GRID2: variants seen among roughly 807,000 people sequenced by gnomAD.
The protein encoded by GRID2 is glutamate ionotropic receptor delta type subunit 2.
In GRID2, 33 loss-of-function variants were observed where a neutral mutation model predicts 114.8. The ratio of observed to expected loss-of-function variants is 0.29; its 90% confidence interval spans 0.22 to 0.38. The LOEUF (loss-of-function observed/expected upper bound fraction) is 0.38, where lower values mean the gene tolerates loss of function less well. Ranked by LOEUF, GRID2 falls within the 10% of genes least tolerant of loss-of-function variation. GRID2 has a pLI of 1.00. For missense variants in GRID2, 1,184 were observed against 1,257.7 expected (o/e 0.94, Z 0.89); for synonymous variants, 505 against 449.9 (o/e 1.12, Z -1.55).
chr4:93,233,235 G>T (rs1468526037), intron 7 of GRID2, among the ~76,000 whole-genome samples: 1 of 151,982 alleles, frequency 6.6e-6, no homozygotes, highest in Non-Finnish European at 1.5e-5. Context: ...TTAGCTAAAA[G>T]GGGGAAAGAC....
chr4:92,961,147 C>G (rs1752777641), intron 2 of GRID2, among the ~76,000 whole-genome samples: 1 of 151,806 alleles, frequency 6.6e-6, no homozygotes, highest in Non-Finnish European at 1.5e-5. Context: ...CGTAAGCATA[C>G]ACATATATAT....
At chr4:93,532,180 T>C (rs375090172) in intron 13 of GRID2, among the ~76,000 whole-genome samples, 1 of 152,242 alleles carries the variant, frequency 6.6e-6, no homozygotes, top group East Asian at 1.9e-4. Flanking sequence ...TGTAAAAGAA[T>C]GGGATCAATA....
At chr4:92,951,759 G>C (rs1222985720) in intron 2 of GRID2, among the ~76,000 whole-genome samples, 1 of 152,144 alleles carries the variant, frequency 6.6e-6, no homozygotes, top group Non-Finnish European at 1.5e-5. Context: ...AATTGGTATA[G>C]ATTCATATGC....
chr4:92,627,173 AG>A (rs1730563495), intron 2 of GRID2, among the ~76,000 whole-genome samples: 1 of 152,104 alleles, frequency 6.6e-6, no homozygotes, highest in South Asian at 2.1e-4. Flanking sequence ...TCAAGGACCT[AG>A]AGATCTATAG....
chr4:92,337,669 A>T (rs1471244282), intron 1 of GRID2, among the ~76,000 whole-genome samples: 1 of 152,120 alleles, frequency 6.6e-6, no homozygotes, highest in African/African-American at 2.4e-5. Context: ...CTCACTCACT[A>T]TCAGAAGAAC....
intron 1 of GRID2, among the ~76,000 whole-genome samples, chr4:92,435,706 T>C (rs1160830014): frequency 6.6e-6 from 1 of 152,120 alleles, no homozygotes; most frequent in Non-Finnish European, 1.5e-5. Flanking sequence ...CAGAGAAGAG[T>C]ACTAGGGTCC....
At chr4:93,589,590 A>G (rs1305749595) in intron 13 of GRID2, among the ~76,000 whole-genome samples, 1 of 152,054 alleles carries the variant, frequency 6.6e-6, no homozygotes, top group South Asian at 2.1e-4. Flanking sequence ...GCTGGGTCAA[A>G]TGGTATTTCT....
At chr4:93,652,718 G>T (rs776416497) in intron 14 of GRID2, among the ~76,000 whole-genome samples, 18 of 144,118 alleles carry the variant, frequency 1.2e-4, no homozygotes, top group Non-Finnish European at 2.2e-4. Flanking sequence ...CCAGTCCATG[G>T]TACTTGGTTA....
chr4:92,826,198 T>C (rs1741686447), intron 2 of GRID2, among the ~76,000 whole-genome samples: 1 of 152,130 alleles, frequency 6.6e-6, no homozygotes, highest in Non-Finnish European at 1.5e-5. Context: ...TTTCTCTTTG[T>C]CCATTTTATT....
chr4:92,547,728 C>A (rs1579560674), intron 1 of GRID2, among the ~76,000 whole-genome samples: 1 of 151,810 alleles, frequency 6.6e-6, no homozygotes, highest in Non-Finnish European at 1.5e-5. Context: ...ACACAACTTG[C>A]AGCTTCTTTT....
At chr4:93,761,574 C>CTAAAAGT (rs1560983207) in intron 14 of GRID2, among the ~76,000 whole-genome samples, 1 of 152,066 alleles carries the variant, frequency 6.6e-6, no homozygotes, top group Non-Finnish European at 1.5e-5. Context: ...AGCTTGCTGA[C>CTAAAAGT]CTCTAGTCTA....
intron 14 of GRID2, among the ~76,000 whole-genome samples, chr4:93,685,503 C>T (rs1484481060): frequency 2.0e-5 from 3 of 152,062 alleles, no homozygotes; most frequent in Non-Finnish European, 4.4e-5. Context: ...ATTTTTAACT[C>T]TTGGTAATTT....
chr4:93,342,627 G>A (rs1044252954), intron 8 of GRID2, among the ~76,000 whole-genome samples: 1 of 151,950 alleles, frequency 6.6e-6, no homozygotes, highest in African/African-American at 2.4e-5. Context: ...TGATGAAAGA[G>A]GAATAGGCAC....
chr4:92,550,098 T>C (rs1362475843), intron 1 of GRID2, among the ~76,000 whole-genome samples: 1 of 152,184 alleles, frequency 6.6e-6, no homozygotes, highest in African/African-American at 2.4e-5. Flanking sequence ...CATTGATATA[T>C]ACATTTACAG....
At position 92,913,807 on chromosome 4, in the gene GRID2, CAATA is replaced by C. The variant is rs201736451; in HGVS notation, c.245-171181_245-171178del. Among the ~76,000 whole-genome samples, 1,226 of 151,558 alleles carry C rather than the reference CAATA, an allele frequency of 8.1e-3. 47 individuals are homozygous for C. Among genetic ancestry groups the C allele is most frequent in the Admixed American group, 0.06 (918 of 15,182 alleles). Reference sequence around the variant, plus strand: ...ACTAAGTCACTCAGTATACCAGAGACAATAAATAAAGTGAAACGACTCAAATTCT... The same window carrying C: ...ACTAAGTCACTCAGTATACCAGAGACAATAAAGTGAAACGACTCAAATTCT... On this transcript the variant is annotated intron_variant, in intron 2 of 15. Transcript: ENST00000282020.
intron 12 of GRID2, among the ~76,000 whole-genome samples, chr4:93,496,599 C>T (rs1057404242): frequency 1.3e-5 from 2 of 151,714 alleles, no homozygotes; most frequent in African/African-American, 2.4e-5. Flanking sequence ...TTTTGCGTTT[C>T]AAGAGTGTAA....
Position 93,490,742 on chromosome 4 carries a change from T to C in GRID2, c.1962T>C (p.Ala654=), listed in dbSNP as rs757264184. 2 of 1,610,842 alleles carry C rather than the reference T, an allele frequency of 1.2e-6. No homozygotes were observed. The highest frequency in any genetic ancestry group is 4.5e-5 in the East Asian group (2 of 44,806). ...VISSYTANLA[A]FLTITRIESS... ...CATCTTACACGGCAAACCTCGCTGC[T>C]TTCCTCACTATTACACGCATTGAAA... The change falls in exon 12 of 16, where the codon GCT becomes GCC. Residue 654 remains alanine (A), a synonymous_variant. Coordinates refer to ENST00000282020, the MANE Select transcript of GRID2 (RefSeq NM_001510.4).
chr4:93,095,186 T>A (rs1731096118), intron 3 of GRID2, among the ~76,000 whole-genome samples: 1 of 152,010 alleles, frequency 6.6e-6, no homozygotes, highest in Admixed American at 6.6e-5. Flanking sequence ...GCAGGTTTGT[T>A]ACATAGGTAT....
chr4:93,803,351 A>G (rs1414161189), intron 1 of GRID2, among the ~76,000 whole-genome samples: 1 of 152,206 alleles, frequency 6.6e-6, no homozygotes, highest in African/African-American at 2.4e-5. Flanking sequence ...AAAAAGTAGA[A>G]TTGATAAAGA....
Sources: gnomAD v4.1 joint callset for allele counts (sites outside exome capture counted in the v4.1 genomes callset) on GRCh38, gnomAD v4.1.1 for gene constraint, MANE v1.5 for transcripts, NCBI Gene and HGNC (gene_info 2026-07-23, HGNC 2026-07-21) for gene names.